Variants in TUBGCP6 observed in about 807,000 individuals in gnomAD.
TUBGCP6 encodes gamma-tubulin complex component 6.
In TUBGCP6, 161 loss-of-function variants were observed where a neutral mutation model predicts 175.8. The ratio of observed to expected loss-of-function variants is 0.92; its 90% CI spans 0.81 to 1.04. The LOEUF (loss-of-function observed/expected upper bound fraction) is 1.04, where lower values mean the gene tolerates loss of function less well. TUBGCP6 is among the 50% of genes least tolerant of loss of function. The pLI, the probability that TUBGCP6 is intolerant of heterozygous loss-of-function variation, is 0.00. For synonymous variants in TUBGCP6, 1,173 were observed against 1,030.5 expected, an observed-to-expected ratio of 1.14 and a Z score of -2.65; for missense variants, 2,572 against 2,433.0, an observed-to-expected ratio of 1.06 and a Z score of -1.20.
At chr22:50,225,364 A>C (rs2064589995) in intron 10 of TUBGCP6, among the ~76,000 whole-genome samples, 1 of 151,854 alleles carries the variant, frequency 6.6e-6, no homozygotes. Flanking sequence ...CCCGTCCCTG[A>C]CACACTGTCC....
intron 4 of TUBGCP6, among the ~76,000 whole-genome samples, chr22:50,228,500 A>G (rs1005455545): frequency 6.6e-6 from 1 of 152,178 alleles, no homozygotes; most frequent in African/African-American, 2.4e-5. Context: ...GCAACGCCAC[A>G]GCAGCAGGCC....
rs774143021 is a variant in TUBGCP6 at position 50,244,258 on chromosome 22, T to C, written c.202A>G (p.Asn68Asp). 1.2e-6 allele frequency: 2 copies of C among 1,613,586 alleles called. No homozygotes were observed. Among genetic ancestry groups the C allele is most frequent in the Non-Finnish European group, 1.7e-6 (2 of 1,180,044 alleles). The stretch of plus-strand genomic sequence containing the variant: ...TCAAAGGACAACATGAGGATCTTGT[T>C]TCTCGCTGGTAGTTTTGACATGTCA... ...QPDMSKLPAR[N>D]KILMLSFDLR... The change falls in exon 1 of 25, where the codon AAC (asparagine) becomes GAC (aspartate). Residue 68 changes from asparagine to aspartate, a missense_variant. Coordinates refer to ENST00000248846, the MANE Select transcript of TUBGCP6 (RefSeq NM_020461.4).
intron 1 of TUBGCP6, among the ~76,000 whole-genome samples, chr22:50,241,170 T>C (rs557291478): frequency 2.0e-5 from 3 of 152,200 alleles, no homozygotes; most frequent in Non-Finnish European, 4.4e-5. Context: ...CGCTCTACAA[T>C]TGTAACTTAC....
rs751296578 is a variant in TUBGCP6, at chr22:50,218,500, G to A, written c.4942C>T (p.Leu1648Phe). 6.2e-7 allele frequency: 1 copy of A among 1,613,616 alleles called. No individual in the cohort carries two copies. The highest frequency in any genetic ancestry group is 8.5e-7 in the Non-Finnish European group (1 of 1,179,954). ...MWALKDVCFH[L>F]KRTALLSHMA... ...AGCGGGGCCTCACCTGTGCGCTTGA[G>A]GTGGAAGCAGACGTCCTTGAGCGCC... Residue 1648 changes from leucine to phenylalanine, a missense_variant, in exon 22 of 25, where the codon CTC (leucine) becomes TTC (phenylalanine). Leu to Phe is a conservative substitution (Grantham distance 22). Transcript: ENST00000248846.
At chr22:50,234,612 A>AGG (rs2064743488) in intron 2 of TUBGCP6, among the ~76,000 whole-genome samples, 5 of 75,192 alleles carry the variant, frequency 6.6e-5, no homozygotes, top group East Asian at 4.3e-4. Flanking sequence ...CCACACCCCT[A>AGG]TCCACAGCAG....
At chr22:50,217,854 T>C (rs1314988193) in intron 24 of TUBGCP6, 27 bp from the exon 25 acceptor site, 2 of 1,611,772 alleles carry the variant, frequency 1.2e-6, no homozygotes, top group Non-Finnish European at 1.7e-6. Flanking sequence ...AGCTCAGGCT[T>C]TTGCCCACAG....
Position 50,233,725 on chromosome 22 carries a change from G to A in TUBGCP6, c.906-199C>T, listed in dbSNP as rs17836662. Among the ~76,000 whole-genome samples, 54,897 of 152,004 alleles carry A rather than the reference G, an allele frequency of 0.36. 10,002 individuals are homozygous for A. The highest frequency in any genetic ancestry group is 0.4 in the Non-Finnish European group (27,021 of 67,930). ...ATGCTGCTGCTGTGAATACCAGCAC[G>A]ATCGATTCTATCAGGACAACTCATG... On this transcript the variant is annotated intron_variant, in intron 2 of 24. Transcript: ENST00000248846.
chr22:50,239,330 C>T (rs968481857), intron 2 of TUBGCP6, among the ~76,000 whole-genome samples: 1 of 152,140 alleles, frequency 6.6e-6, no homozygotes, highest in South Asian at 2.1e-4. Flanking sequence ...GCGAGCACCA[C>T]CACGCCCAGC....
In TUBGCP6 at chr22:50,224,284, G is replaced by A. The variant is rs946871745; in HGVS notation, c.2155-28C>T. On this transcript the variant is annotated intron_variant, in intron 12 of 24. Coordinates refer to ENST00000248846, the MANE Select transcript of TUBGCP6 (RefSeq NM_020461.4). ...ATAAAACACATAGAGCCTGGCCTGT[G>A]AAATCAGAACTGACAGGCGTGACCC... 5.6e-6 allele frequency: 9 copies of A among 1,614,054 alleles called. No individual in the cohort carries two copies. In the African/African-American group the frequency reaches 1.2e-4, roughly 22 times the overall value.
chr22:50,240,706 G>A (rs367802516), intron 1 of TUBGCP6, among the ~76,000 whole-genome samples: 5 of 152,114 alleles, frequency 3.3e-5, no homozygotes, highest in Admixed American at 2.0e-4. Context: ...ACTGTACACC[G>A]GGGCCAGGCG....
In TUBGCP6 at chr22:50,221,632, G is replaced by A. The variant is rs375889859; in HGVS notation, c.2727C>T (p.Ser909=). 5.3e-5 allele frequency: 82 copies of A among 1,535,898 alleles called. No homozygotes were observed. Among genetic ancestry groups the A allele is most frequent in the Admixed American group, 2.0e-4 (10 of 49,674 alleles). Residue 909 remains serine, a synonymous_variant, in exon 16 of 25, where the codon TCC becomes TCT. Coordinates refer to ENST00000248846, the MANE Select transcript of TUBGCP6 (RefSeq NM_020461.4). The part of the protein sequence containing the change: ...FLPVGPGAEP[S]VQTGMVPLLE... The stretch of plus-strand genomic sequence containing the variant: ...GGAGAGGGACCATGCCAGTCTGCAC[G>A]GACGGCTCAGCCCCTGGGCCCACAG...
At chr22:50,232,633 C>T (rs1007578732) in intron 3 of TUBGCP6, among the ~76,000 whole-genome samples, 9 of 152,160 alleles carry the variant, frequency 5.9e-5, no homozygotes, top group South Asian at 2.1e-4. Context: ...GCTGTGAGCA[C>T]GGTGTTGAGA....
chr22:50,239,795 C>T (rs772278978), intron 2 of TUBGCP6, among the ~76,000 whole-genome samples: 4 of 152,250 alleles, frequency 2.6e-5, no homozygotes, highest in Non-Finnish European at 5.9e-5. Flanking sequence ...AGCATTTCTT[C>T]CTGGCACTAA....
rs201499727 is a variant in TUBGCP6 at position 50,224,552 on chromosome 22, T to A, written c.2024A>T (p.His675Leu). 5 of 1,613,996 alleles carry A rather than the reference T, an allele frequency of 3.1e-6. No individual in the cohort carries two copies. ...MEIAKQELIA[H>L]AREAASRVLS... Reference sequence around the variant, plus strand: ...GACCCTGGATGCTGCTTCCCGGGCATGAGCGATTAATTCTTGTTTTGCAAT... The same window carrying A: ...GACCCTGGATGCTGCTTCCCGGGCAAGAGCGATTAATTCTTGTTTTGCAAT... The change falls in exon 11 of 25, where the codon CAT (histidine) becomes CTT (leucine). Residue 675 changes from histidine to leucine, a missense_variant. Physicochemically the swap from His to Leu is moderately conservative, Grantham distance 99. Coordinates refer to ENST00000248846, the MANE Select transcript of TUBGCP6 (RefSeq NM_020461.4).
Position 50,218,089 on chromosome 22 carries a change from C to T in TUBGCP6, c.5197G>A (p.Val1733Ile), listed in dbSNP as rs775546712. Residue 1733 changes from valine (V) to isoleucine (I), a missense_variant, in exon 24 of 25, where the codon GTC becomes ATC. Physicochemically the swap from Val to Ile is conservative, Grantham distance 29. Transcript: ENST00000248846. ...AAGATGCTGTGGATGACGTTCATGACGGGCGCCGCCTTCTCCGTGAGCAGG... is the reference window on the plus strand; with the variant it reads ...AAGATGCTGTGGATGACGTTCATGATGGGCGCCGCCTTCTCCGTGAGCAGG... ...RGLLTEKAAP[V>I]MNVIHSIFSL... The T allele has an allele frequency of 1.7e-5, 27 of 1,612,862 alleles. No individual in the cohort carries two copies. The highest frequency in any genetic ancestry group is 1.6e-4 in the Middle Eastern group (1 of 6,082).
chr22:50,243,086 G>A (rs534682996), intron 1 of TUBGCP6, among the ~76,000 whole-genome samples: 110 of 151,970 alleles, frequency 7.2e-4, no homozygotes, highest in African/African-American at 2.5e-3. Flanking sequence ...AGGCCGAGAC[G>A]GGTGGATCAT....
chr22:50,240,384 G>T lies in TUBGCP6; in HGVS notation c.742-17C>A. The stretch of plus-strand genomic sequence containing the variant: ...CGGTGGGACCTGGAGACACAGGGAA[G>T]GGCAAACCGCCACTTATTGCTGTGT... On this transcript the variant is annotated splice_polypyrimidine_tract_variant and intron_variant, in intron 1 of 24. Coordinates refer to ENST00000248846, the MANE Select transcript of TUBGCP6 (RefSeq NM_020461.4). The T allele has an allele frequency of 6.2e-7, 1 of 1,611,200 alleles. No individual in the cohort carries two copies. Among genetic ancestry groups the T allele is most frequent in the Non-Finnish European group, 8.5e-7 (1 of 1,178,822 alleles).
chr22:50,217,991 TGCACCCCGCGG>T lies in TUBGCP6; in HGVS notation c.5284_5294del (p.Pro1762ArgfsTer65). ...GCATGAGTGCAAAGTTGGGGTGCTC[TGCACCCCGCGG>T]GCCCCCAGGGGGCCCCCAGGCCTGG... On this transcript the variant is annotated frameshift_variant, in exon 24 of 25. Transcript: ENST00000248846. LOFTEE classifies it high-confidence loss of function. 6.2e-7 allele frequency: 1 copy of T among 1,611,050 alleles called. No homozygotes were observed. Among genetic ancestry groups the T allele is most frequent in the Non-Finnish European group, 8.5e-7 (1 of 1,179,336 alleles).
At chr22:50,227,195 G>GCCC in intron 5 of TUBGCP6, 118 bp from the exon 6 acceptor site, 1 of 965,364 alleles carries the variant, frequency 1.0e-6, no homozygotes, top group Non-Finnish European at 1.5e-6. Flanking sequence ...AACTTTAGAT[G>GCCC]CAGGCTTTAA....
Sources: gnomAD v4.1 joint callset for allele counts (sites outside exome capture counted in the v4.1 genomes callset) on GRCh38, gnomAD v4.1.1 for gene constraint, MANE v1.5 for transcripts, NCBI Gene and HGNC (gene_info 2026-07-23, HGNC 2026-07-21) for gene names.